MAP4K3: variants seen among roughly 807,000 people sequenced by gnomAD.
MAP4K3 encodes mitogen-activated protein kinase kinase kinase kinase 3.
A neutral mutation model predicts 143.5 loss-of-function variants in MAP4K3; 94 were observed. The observed-to-expected ratio is 0.65, with a 90% CI of 0.55 to 0.78. The LOEUF (loss-of-function observed/expected upper bound fraction) is 0.78, where lower values mean the gene tolerates loss of function less well. Ranked by LOEUF, MAP4K3 falls within the 30% of genes least tolerant of loss-of-function variation. The pLI, the probability that MAP4K3 is intolerant of heterozygous loss-of-function variation, is 0.00. For missense variants in MAP4K3, 1,077 were observed against 1,068.1 expected, an observed-to-expected ratio of 1.01 and a Z score of -0.12; for synonymous variants, 416 against 347.2, an observed-to-expected ratio of 1.20 and a Z score of -2.20.
In MAP4K3 at chr2:39,400,148, C is replaced by T. The variant is rs74429943; in HGVS notation, c.97-22025G>A. Among the ~76,000 whole-genome samples, 722 of 152,218 alleles carry T rather than the reference C, an allele frequency of 4.7e-3. 4 individuals carry two copies. Among genetic ancestry groups the T allele is most frequent in the Middle Eastern group, 0.014 (4 of 294 alleles). On this transcript the variant is annotated intron_variant, in intron 1 of 33. Coordinates refer to ENST00000263881, the MANE Select transcript of MAP4K3 (RefSeq NM_003618.4). ...CATCTCGCAACTGCCCAAGGGAGAA[C>T]GCTATAACCCAACACCTTAACCCTC...
chr2:39,386,310 T>G (rs1330003033), intron 1 of MAP4K3, among the ~76,000 whole-genome samples: 1 of 152,246 alleles, frequency 6.6e-6, no homozygotes, highest in East Asian at 1.9e-4. Flanking sequence ...TCCAGAACTA[T>G]GAGAAAATAA....
intron 7 of MAP4K3, among the ~76,000 whole-genome samples, chr2:39,333,119 C>T (rs1683732385): frequency 6.6e-6 from 1 of 152,070 alleles, no homozygotes; most frequent in Non-Finnish European, 1.5e-5. Flanking sequence ...ATCTAAATTA[C>T]ATTCTTAAGT....
intron 6 of MAP4K3, among the ~76,000 whole-genome samples, chr2:39,334,000 T>TGTGTG (rs1553413759): frequency 2.0e-5 from 3 of 147,918 alleles, no homozygotes; most frequent in Non-Finnish European, 3.0e-5. Context: ...TGTGTGTGTG[T>TGTGTG]TTTTAAAAGA....
intron 24 of MAP4K3, among the ~76,000 whole-genome samples, chr2:39,274,596 T>C (rs1681171611): frequency 6.6e-6 from 1 of 152,200 alleles, no homozygotes; most frequent in Non-Finnish European, 1.5e-5. Context: ...TTTAGTGAGT[T>C]AGGTTCTAGG....
intron 2 of MAP4K3, among the ~76,000 whole-genome samples, chr2:39,365,430 ATTTTTTTTTTTTT>A (rs151026787): frequency 1.1e-5 from 1 of 87,926 alleles, no homozygotes; most frequent in Non-Finnish European, 2.2e-5. Flanking sequence ...CGCCATAGTA[ATTTTTTTTTTTTT>A]TTTTTTTTTT....
At chr2:39,313,519 C>T (rs1272695567) in intron 13 of MAP4K3, among the ~76,000 whole-genome samples, 1 of 151,464 alleles carries the variant, frequency 6.6e-6, no homozygotes, top group Non-Finnish European at 1.5e-5. Context: ...TCTCTCTTCT[C>T]TCTCTCTCTT....
chr2:39,416,951 T>C (rs895185004), intron 1 of MAP4K3, among the ~76,000 whole-genome samples: 18 of 152,208 alleles, frequency 1.2e-4, no homozygotes, highest in Non-Finnish European at 2.4e-4. Flanking sequence ...AAAATAGAGA[T>C]AATTAAAGTT....
chr2:39,326,390 G>A, intron 8 of MAP4K3, 113 bp from the exon 9 acceptor site: 5 of 1,163,988 alleles, frequency 4.3e-6, no homozygotes, highest in Non-Finnish European at 6.1e-6. Flanking sequence ...TTTAGGCCTT[G>A]GTTTTTGAAA....
At chr2:39,391,398 A>G (rs1482100897) in intron 1 of MAP4K3, among the ~76,000 whole-genome samples, 2 of 147,998 alleles carry the variant, frequency 1.4e-5, no homozygotes, top group African/African-American at 4.9e-5. Flanking sequence ...AAGAAAGAAT[A>G]TATACTATAC....
intron 3 of MAP4K3, among the ~76,000 whole-genome samples, chr2:39,343,836 GC>G (rs1665209685): frequency 6.6e-6 from 1 of 151,948 alleles, no homozygotes; most frequent in Non-Finnish European, 1.5e-5. Context: ...AACAAAACAG[GC>G]AAAATATAAA....
chr2:39,412,837 T>TAA (rs202226631), intron 1 of MAP4K3, among the ~76,000 whole-genome samples: 1 of 148,630 alleles, frequency 6.7e-6, no homozygotes, highest in Non-Finnish European at 1.5e-5. Context: ...TGTCCAAGAT[T>TAA]AAAAAAAAAA....
intron 32 of MAP4K3, 40 bp from the exon 33 acceptor site, chr2:39,251,925 G>A: frequency 6.8e-7 from 1 of 1,478,674 alleles, no homozygotes; most frequent in Non-Finnish European, 9.4e-7. Flanking sequence ...TGAAATTAAA[G>A]ACACAAAATT....
At chr2:39,294,779 T>C (rs898373072) in intron 16 of MAP4K3, among the ~76,000 whole-genome samples, 11 of 152,236 alleles carry the variant, frequency 7.2e-5, no homozygotes, top group Admixed American at 2.0e-4. Context: ...TTTATTACTA[T>C]TGGCTAAATA....
At chr2:39,288,026 C>T (rs1681873121) in intron 20 of MAP4K3, 95 bp downstream of exon 20, 2 of 1,467,876 alleles carry the variant, frequency 1.4e-6, no homozygotes, top group African/African-American at 2.8e-5. Context: ...TGTCCTCCAC[C>T]AAAAGAATTT....
intron 4 of MAP4K3, among the ~76,000 whole-genome samples, chr2:39,342,436 C>G (rs952745277): frequency 1.3e-5 from 2 of 152,074 alleles, no homozygotes; most frequent in African/African-American, 4.8e-5. Flanking sequence ...GGCCCTTCAT[C>G]ATCCTTTTTC....
At chr2:39,395,577 G>A (rs765936407) in intron 1 of MAP4K3, among the ~76,000 whole-genome samples, 2 of 152,104 alleles carry the variant, frequency 1.3e-5, no homozygotes, top group South Asian at 4.1e-4. Flanking sequence ...CCTGCTTACT[G>A]CTTTTGTTCT....
At chr2:39,369,193 G>GTTTTTTTGTTTTTTTTTTTTTTTTT (rs747293878) in intron 2 of MAP4K3, among the ~76,000 whole-genome samples, 2 of 37,976 alleles carry the variant, frequency 5.3e-5, no homozygotes, top group Non-Finnish European at 7.1e-5. Flanking sequence ...CTTTGGGCTA[G>GTTTTTTTGTTTTTTTTTTTTTTTTT]TTTTTTTTTT....
chr2:39,270,649 C>A (rs1558612416), intron 26 of MAP4K3, among the ~76,000 whole-genome samples: 1 of 152,110 alleles, frequency 6.6e-6, no homozygotes, highest in Non-Finnish European at 1.5e-5. Context: ...GTAAATGATA[C>A]AACTGTACTT....
chr2:39,261,723 T>C (rs1465558319), intron 28 of MAP4K3, among the ~76,000 whole-genome samples: 3 of 152,122 alleles, frequency 2.0e-5, no homozygotes, highest in African/African-American at 7.2e-5. Flanking sequence ...AAATTATATA[T>C]AGACAACTGA....
Sources: gnomAD v4.1 joint callset for allele counts (sites outside exome capture counted in the v4.1 genomes callset) on GRCh38, gnomAD v4.1.1 for gene constraint, MANE v1.5 for transcripts, NCBI Gene and HGNC (gene_info 2026-07-23, HGNC 2026-07-21) for gene names.